The following PACRGL variants were observed in gnomAD, a reference collection of about 807,000 sequenced individuals.
The protein encoded by PACRGL is PACRG-like protein.
PACRGL carries 38 observed loss-of-function variants against 34.5 expected under a neutral mutation model. The ratio of observed to expected loss-of-function variants is 1.10; its 90% CI spans 0.85 to 1.44. The LOEUF (loss-of-function observed/expected upper bound fraction) is 1.44. Ranked by LOEUF, PACRGL falls within the 40% of genes most tolerant of loss-of-function variation. The pLI, the probability that PACRGL is intolerant of heterozygous loss-of-function variation, is 0.00. For missense variants in PACRGL, 305 were observed against 281.4 expected (o/e 1.08, Z -0.60); for synonymous variants, 128 against 100.1 (o/e 1.28, Z -1.66).
At chr4:20,739,148 C>T (rs962215547) in intron 8 of PACRGL, among the ~76,000 whole-genome samples, 5 of 152,198 alleles carry the variant, frequency 3.3e-5, no homozygotes, top group Admixed American at 1.3e-4. Flanking sequence ...GTAGATGCCA[C>T]CTCTGGGGGC....
intron 7 of PACRGL, among the ~76,000 whole-genome samples, chr4:20,722,372 G>A (rs1212980322): frequency 6.6e-6 from 1 of 152,176 alleles, no homozygotes. Context: ...GATGAACCCG[G>A]TACCTCAGTT....
chr4:20,698,449 C>T (rs1731332390), upstream of PACRGL, among the ~76,000 whole-genome samples: 1 of 152,208 alleles, frequency 6.6e-6, no homozygotes, highest in African/African-American at 2.4e-5. Context: ...TCAGCGTCTA[C>T]ATATGCTGAT....
At chr4:20,711,125 T>C (rs1160979878) in intron 5 of PACRGL, among the ~76,000 whole-genome samples, 2 of 151,688 alleles carry the variant, frequency 1.3e-5, no homozygotes, top group Non-Finnish European at 2.9e-5. Context: ...CCTTATTTTT[T>C]AAACCTTAAG....
At chr4:20,716,104 T>G in intron 7 of PACRGL, 2 of 1,525,576 alleles carry the variant, frequency 1.3e-6, no homozygotes, top group Non-Finnish European at 1.8e-6. Context: ...AAATATTTAC[T>G]AGGACCCTGT....
At chr4:20,707,962 A>G (rs943795670) in intron 4 of PACRGL, 92 bp downstream of exon 4, 5 of 957,652 alleles carry the variant, frequency 5.2e-6, no homozygotes, top group Non-Finnish European at 8.1e-6. Context: ...TGTAAGTTTT[A>G]TTTACTAGTG....
At chr4:20,735,648 T>C (rs945115851), downstream of PACRGL, among the ~76,000 whole-genome samples, 28 of 151,054 alleles carry the variant, frequency 1.9e-4, no homozygotes, top group Non-Finnish European at 3.2e-4. Context: ...GCCATTCTTC[T>C]GCCTCAGCCT....
chr4:20,729,915 C>CT lies in PACRGL; in HGVS notation c.*2575dup. On this transcript the variant is annotated 3_prime_UTR_variant, in exon 9 of 9. Transcript: ENST00000503585. ...TTATGAAAAGGATGCAAATTTATAA[C>CT]TGAAAGCTCAAATCTTTTGGGGATT... The CT allele has an allele frequency of 1.4e-6, 1 of 710,478 alleles. No homozygotes were observed. Among genetic ancestry groups the CT allele is most frequent in the Non-Finnish European group, 2.1e-6 (1 of 479,282 alleles). The allele number at this position is 710,478 out of a possible 1,614,324, so 44.0% of individuals were successfully genotyped here.
At chr4:20,740,186 C>T (rs758095658) in intron 8 of PACRGL, among the ~76,000 whole-genome samples, 13 of 152,186 alleles carry the variant, frequency 8.5e-5, no homozygotes, top group South Asian at 4.2e-4. Flanking sequence ...GGAGAACTTG[C>T]GCAACCTAGC....
At chr4:20,710,156 G>A (rs1041431593) in intron 5 of PACRGL, among the ~76,000 whole-genome samples, 5 of 152,112 alleles carry the variant, frequency 3.3e-5, no homozygotes, top group South Asian at 2.1e-4. Context: ...ACAACCAATC[G>A]TGTTGACATG....
At chr4:20,751,318 G>T (rs1230715419) in intron 8 of PACRGL, among the ~76,000 whole-genome samples, 1 of 152,122 alleles carries the variant, frequency 6.6e-6, no homozygotes. Flanking sequence ...TACATTGCAG[G>T]AAGAAATTCT....
At chr4:20,761,965 C>A in the PACRGL span, among the ~76,000 whole-genome samples, 1 of 152,122 alleles carries the variant, frequency 6.6e-6, no homozygotes, top group African/African-American at 2.4e-5. Flanking sequence ...GGGACTGCTA[C>A]AATAAACCAG....
At chr4:20,717,884 A>G (rs1020841006) in intron 7 of PACRGL, among the ~76,000 whole-genome samples, 1 of 152,186 alleles carries the variant, frequency 6.6e-6, no homozygotes, top group Non-Finnish European at 1.5e-5. Flanking sequence ...AGTCATTGGT[A>G]GCTCGATGGG....
downstream of PACRGL, chr4:20,732,653 C>G (rs1485235445): frequency 2.1e-6 from 3 of 1,423,058 alleles, no homozygotes; most frequent in Non-Finnish European, 3.0e-6. Context: ...TAACTTCATG[C>G]CCTCTTGACT....
chr4:20,761,902 A>T, the PACRGL span, among the ~76,000 whole-genome samples: 10 of 152,294 alleles, frequency 6.6e-5, no homozygotes, highest in Non-Finnish European at 1.5e-4. Flanking sequence ...ATTAGTTTAC[A>T]TCTCTACAAA....
At chr4:20,751,673 G>A (rs1034505368) in intron 8 of PACRGL, among the ~76,000 whole-genome samples, 2 of 152,084 alleles carry the variant, frequency 1.3e-5, no homozygotes, top group Non-Finnish European at 2.9e-5. Flanking sequence ...TCAAAACAAC[G>A]ATGTTTGCTA....
chr4:20,729,841 T>C lies in PACRGL; in HGVS notation c.*2500T>C, dbSNP rs989401812. ...TATGCCAGATTCTATTACTTTTGAA[T>C]ATTCACAGAGTATGAAATGAGTTAG... On this transcript the variant is annotated 3_prime_UTR_variant, in exon 9 of 9. Transcript: ENST00000503585. The C allele has an allele frequency of 3.4e-5, 13 of 386,282 alleles. No individual in the cohort carries two copies. The highest frequency in any genetic ancestry group is 5.0e-5 in the Non-Finnish European group (11 of 217,932). The allele number at this position is 386,282 out of a possible 1,614,324, so 23.9% of individuals were successfully genotyped here. A position where few individuals can be genotyped will look rare whatever the true frequency, so the allele number is the denominator to read the frequency against.
At chr4:20,697,335 T>C (rs188729825), upstream of PACRGL, among the ~76,000 whole-genome samples, 117 of 152,296 alleles carry the variant, frequency 7.7e-4, 1 homozygote, top group Non-Finnish European at 5.4e-4. Flanking sequence ...ATTAAGACAA[T>C]ATTTTCTTAA....
At position 20,731,297 on chromosome 4, in the gene PACRGL, A is replaced by G; in HGVS notation, c.*3956A>G. ...CTATGTTGCCCACATTGGACTCAAA[A>G]TCCTGGCCTTAAGTTATCTTCCCGC... is the stretch of plus-strand genomic sequence containing the variant. On this transcript the variant is annotated 3_prime_UTR_variant, in exon 9 of 9. Coordinates refer to ENST00000503585, the MANE Select transcript of PACRGL (RefSeq NM_001258345.3). 3 of 719,204 alleles carry G rather than the reference A, an allele frequency of 4.2e-6. No individual in the cohort carries two copies. Among genetic ancestry groups the G allele is most frequent in the Non-Finnish European group, 5.1e-6 (3 of 586,894 alleles). The allele number at this position is 719,204 out of a possible 1,614,324, so 44.6% of individuals were successfully genotyped here.
At chr4:20,705,789 G>A (rs1450369686) in intron 3 of PACRGL, among the ~76,000 whole-genome samples, 3 of 151,156 alleles carry the variant, frequency 2.0e-5, no homozygotes, top group African/African-American at 7.3e-5. Flanking sequence ...AATTTGACCC[G>A]AGAAAAGCAT....
Sources: allele counts gnomAD v4.1 joint callset (sites outside exome capture counted in the v4.1 genomes callset), GRCh38; gene constraint gnomAD v4.1.1; transcripts MANE v1.5; gene names NCBI Gene and HGNC (gene_info 2026-07-23, HGNC 2026-07-21).